EXD2: variants seen among roughly 807,000 people sequenced by gnomAD.
The protein encoded by EXD2 is exonuclease 3'-5' domain-containing protein 2.
A neutral mutation model predicts 62.5 loss-of-function variants in EXD2; 40 were observed. That is an observed-to-expected ratio of 0.64 (90% confidence interval 0.50 to 0.83). The LOEUF is 0.83. Ranked by LOEUF, EXD2 falls within the 40% of genes least tolerant of loss-of-function variation. The pLI, the probability that EXD2 is intolerant of heterozygous loss-of-function variation, is 0.00. For missense variants in EXD2, 671 were observed against 761.8 expected, an observed-to-expected ratio of 0.88 and a Z score of 1.40; for synonymous variants, 239 against 291.9, an observed-to-expected ratio of 0.82 and a Z score of 1.85.
At chr14:69,218,285 G>A (rs986436772) in intron 3 of EXD2, among the ~76,000 whole-genome samples, 9 of 152,260 alleles carry the variant, frequency 5.9e-5, no homozygotes, top group Non-Finnish European at 1.0e-4. Context: ...CTGATGGCCC[G>A]TGATGATGAA....
At chr14:69,209,838 A>C (rs533779294) in intron 3 of EXD2, 35 bp downstream of exon 3, 39 of 1,420,866 alleles carry the variant, frequency 2.7e-5, no homozygotes, top group Middle Eastern at 1.9e-4. Flanking sequence ...AAAAAAAAAA[A>C]AAAACAACTT....
intron 7 of EXD2, 86 bp from the exon 8 acceptor site, chr14:69,236,321 C>G: frequency 6.2e-7 from 1 of 1,601,336 alleles, no homozygotes; most frequent in Non-Finnish European, 8.5e-7. Context: ...CAGGCCATAG[C>G]AGAGAACAGT....
chr14:69,196,491 C>T (rs1289940210), intron 1 of EXD2, among the ~76,000 whole-genome samples: 2 of 152,140 alleles, frequency 1.3e-5, no homozygotes, highest in Non-Finnish European at 2.9e-5. Context: ...TTTCATTTCC[C>T]TTGGGTATAT....
intron 2 of EXD2, 22 bp from the exon 3 acceptor site, chr14:69,209,402 A>G: frequency 7.8e-7 from 1 of 1,284,290 alleles, no homozygotes; most frequent in South Asian, 1.6e-5. Context: ...ATATAAATAT[A>G]TTTTTGCCAT....
intron 3 of EXD2, among the ~76,000 whole-genome samples, chr14:69,221,652 C>G (rs1288698377): frequency 6.6e-6 from 1 of 151,876 alleles, no homozygotes; most frequent in East Asian, 1.9e-4. Flanking sequence ...TCTTTAGTCC[C>G]AGATACTCAG....
intron 3 of EXD2, among the ~76,000 whole-genome samples, chr14:69,215,867 C>A (rs1393230722): frequency 6.8e-6 from 1 of 147,800 alleles, no homozygotes; most frequent in Non-Finnish European, 1.5e-5. Flanking sequence ...TATAGAAGTT[C>A]TTTACATATT....
intron 3 of EXD2, chr14:69,224,094 G>A (rs2043280848): frequency 6.6e-6 from 1 of 152,320 alleles, no homozygotes; most frequent in East Asian, 1.9e-4. Flanking sequence ...GAGTGCAGTG[G>A]CGCAGTCTTG....
chr14:69,228,112 A>C (rs926435755), intron 3 of EXD2: 2 of 151,644 alleles, frequency 1.3e-5, no homozygotes, highest in African/African-American at 4.8e-5. Flanking sequence ...CTGCGTGTAC[A>C]TTAGAGAGGC....
rs762929265 is a variant in EXD2 at position 69,236,082 on chromosome 14, T to C, written c.1086T>C (p.Ala362=). ...SPLYDNCFLH[A]PDGQPLCTCD... Reference sequence around the variant, plus strand: ...TTTATGATAACTGCTTTCTCCATGCTCCTGATGGACAGCCCCTCTGCACTT... The same window carrying C: ...TTTATGATAACTGCTTTCTCCATGCCCCTGATGGACAGCCCCTCTGCACTT... The change falls in exon 7 of 10, where the codon GCT becomes GCC. Residue 362 remains alanine, a synonymous_variant. Coordinates refer to ENST00000685843, the MANE Select transcript of EXD2 (RefSeq NM_001193360.2). 8 of 1,614,080 alleles carry C rather than the reference T, an allele frequency of 5.0e-6. No homozygotes were observed. Among genetic ancestry groups the C allele is most frequent in the African/African-American group, 1.3e-5 (1 of 74,934 alleles).
chr14:69,213,065 C>G (rs2042867336), intron 3 of EXD2, among the ~76,000 whole-genome samples: 3 of 149,706 alleles, frequency 2.0e-5, no homozygotes. Flanking sequence ...TGTTTACCTT[C>G]CTGTATTCTT....
chr14:69,192,783 AT>A (rs1458914113), intron 1 of EXD2, among the ~76,000 whole-genome samples: 3 of 151,760 alleles, frequency 2.0e-5, no homozygotes, highest in Non-Finnish European at 4.4e-5. Flanking sequence ...GGGTCTTGGA[AT>A]TTTTTCTTTG....
intron 1 of EXD2, among the ~76,000 whole-genome samples, chr14:69,194,349 A>G (rs556775786): frequency 1.3e-5 from 2 of 152,018 alleles, no homozygotes; most frequent in South Asian, 4.2e-4. Context: ...CGTGTTTGCT[A>G]GGATGGTCTC....
intron 2 of EXD2, among the ~76,000 whole-genome samples, 189 bp from the exon 3 acceptor site, chr14:69,209,235 A>G (rs1055099027): frequency 5.3e-5 from 8 of 152,190 alleles, no homozygotes; most frequent in African/African-American, 1.7e-4. Context: ...GGATGGAGAT[A>G]GAGATGGAAT....
At chr14:69,234,632 ATTGACT>A in intron 5 of EXD2, 62 bp from the exon 6 acceptor site, 1 of 1,313,162 alleles carries the variant, frequency 7.6e-7, no homozygotes, top group Non-Finnish European at 1.1e-6. Flanking sequence ...TTTCTTTGTG[ATTGACT>A]TTGAAGTTTT....
At chr14:69,217,590 G>T (rs1169420774) in intron 3 of EXD2, among the ~76,000 whole-genome samples, 1 of 151,678 alleles carries the variant, frequency 6.6e-6, no homozygotes. Context: ...TACACAACAT[G>T]CAGGTTTGTT....
intron 3 of EXD2, among the ~76,000 whole-genome samples, chr14:69,224,687 T>G (rs2043299474): frequency 6.6e-6 from 1 of 151,958 alleles, no homozygotes; most frequent in East Asian, 1.9e-4. Context: ...TTGCTTAGAG[T>G]AAAATGCAGA....
rs1594777450 is a variant in EXD2, at chr14:69,232,653, G to T, written c.718-2047G>T. Among the ~76,000 whole-genome samples, 3 of 152,222 alleles carry T rather than the reference G, an allele frequency of 2.0e-5. No homozygotes were observed. In the Middle Eastern group the frequency reaches 0.01, roughly 518 times the overall value. ...CATTTCCCTTGTGACTAATGATGCT[G>T]GGCATCTGTTCATGTGGGTATTGGC... On this transcript the variant is annotated intron_variant, in intron 5 of 9. Coordinates refer to ENST00000685843, the MANE Select transcript of EXD2 (RefSeq NM_001193360.2).
intron 3 of EXD2, among the ~76,000 whole-genome samples, chr14:69,225,612 A>C (rs186862842): frequency 2.6e-4 from 39 of 152,324 alleles, no homozygotes; most frequent in African/African-American, 9.1e-4. Flanking sequence ...AAAACCCTAG[A>C]TTAAATAATG....
At chr14:69,193,523 A>G (rs1310071869) in intron 1 of EXD2, among the ~76,000 whole-genome samples, 2 of 152,196 alleles carry the variant, frequency 1.3e-5, no homozygotes, top group Admixed American at 6.6e-5. Context: ...CTCTTTTGAG[A>G]AACATCTCTT....
Sources: allele counts gnomAD v4.1 joint callset (sites outside exome capture counted in the v4.1 genomes callset), GRCh38; gene constraint gnomAD v4.1.1; transcripts MANE v1.5; gene names NCBI Gene and HGNC (gene_info 2026-07-23, HGNC 2026-07-21).